The following CACNA1C variants were observed in gnomAD, a reference collection of about 807,000 sequenced individuals.
The protein encoded by CACNA1C is voltage-dependent L-type calcium channel subunit alpha-1C.
CACNA1C carries 30 observed loss-of-function variants against 229.0 expected under a neutral mutation model. The ratio of observed to expected loss-of-function variants is 0.13; its 90% CI spans 0.10 to 0.18. CACNA1C has a LOEUF of 0.18. Ranked by LOEUF, CACNA1C falls within the 10% of genes least tolerant of loss-of-function variation. CACNA1C has a pLI of 1.00. For synonymous variants in CACNA1C, 1,114 were observed against 1,132.5 expected (o/e 0.98, Z 0.33); for missense variants, 1,658 against 2,845.0 (o/e 0.58, Z 9.49).
In CACNA1C at chr12:2,215,866, C is replaced by T. The variant is rs537957554; in HGVS notation, c.477+95436C>T. 1.3e-3 allele frequency among the ~76,000 whole-genome samples: 204 copies of T among 152,334 alleles called. 1 individual carries two copies. The highest frequency in any genetic ancestry group is 2.5e-3 in the Admixed American group (38 of 15,306). ...GATGGCGAATCTGTGTCCTAGAACA[C>T]GCCCTGCTGCCACCAGTGTGACATC... On this transcript the variant is annotated intron_variant, in intron 3 of 46. Coordinates refer to ENST00000399655, the MANE Select transcript of CACNA1C (RefSeq NM_000719.7). This position sits in a 1 kb window ranked among gnomAD's most constrained non-coding sequence, Gnocchi z 5.0.
chr12:2,677,048 TCCCCTGCTCCCCTCTTAC>T lies in CACNA1C; in HGVS notation c.4829-40_4829-23del. On this transcript the variant is annotated intron_variant, in intron 39 of 46. Transcript: ENST00000399655. The surrounding 1 kb of genome is among the most constrained non-coding windows in gnomAD (Gnocchi z 7.4). ...AAAAATGAATGAAGTTCAACTGAAT[TCCCCTGCTCCCCTCTTAC>T]CCCCTCTCCCCTCTCCATACGTCTC... 1 of 1,537,364 alleles carries T rather than the reference TCCCCTGCTCCCCTCTTAC, an allele frequency of 6.5e-7. No homozygotes were observed. The highest frequency in any genetic ancestry group is 8.9e-7 in the Non-Finnish European group (1 of 1,120,384).
At chr12:2,547,638 A>G (rs1489409840) in intron 9 of CACNA1C, 1 of 694,682 alleles carries the variant, frequency 1.4e-6, no homozygotes, top group Non-Finnish European at 2.7e-6. Flanking sequence ...GTGTGCATAT[A>G]TGTGTATGTA....
At chr12:2,610,498 A>G (rs531628220) in intron 27 of CACNA1C, 43 bp from the exon 28 acceptor site, 50 of 1,577,708 alleles carry the variant, frequency 3.2e-5, no homozygotes, top group Admixed American at 6.8e-5. Context: ...CACACCCTCC[A>G]GTTAACTAAC....
intron 3 of CACNA1C, among the ~76,000 whole-genome samples, chr12:2,121,228 C>T (rs906206847): frequency 2.0e-5 from 3 of 152,182 alleles, no homozygotes; most frequent in African/African-American, 7.2e-5. Context: ...TTCCACATGG[C>T]GTGTTTGGTC....
At chr12:2,657,521 A>G (rs1171242417) in intron 34 of CACNA1C, among the ~76,000 whole-genome samples, 1 of 152,202 alleles carries the variant, frequency 6.6e-6, no homozygotes, top group Non-Finnish European at 1.5e-5. Context: ...AGAGGAAAAA[A>G]ATGGATGGAT....
chr12:2,232,125 T>C (rs2065364343), intron 3 of CACNA1C, among the ~76,000 whole-genome samples: 1 of 152,036 alleles, frequency 6.6e-6, no homozygotes. Context: ...TCCACTTCAG[T>C]CCTTTTTTTC....
At chr12:2,268,412 G>A (rs1017404636) in intron 3 of CACNA1C, among the ~76,000 whole-genome samples, 1 of 152,216 alleles carries the variant, frequency 6.6e-6, no homozygotes, top group Admixed American at 6.5e-5. Flanking sequence ...AGCTGCTCTT[G>A]TTCCAGAAGA....
At chr12:1,995,748 C>G (rs1415240128) in intron 1 of CACNA1C, among the ~76,000 whole-genome samples, 1 of 152,238 alleles carries the variant, frequency 6.6e-6, no homozygotes, top group Non-Finnish European at 1.5e-5. Flanking sequence ...CATCTGTATC[C>G]TTGCTGGCCC....
At chr12:2,437,154 T>C (rs1169078567) in intron 3 of CACNA1C, among the ~76,000 whole-genome samples, 2 of 152,244 alleles carry the variant, frequency 1.3e-5, no homozygotes, top group African/African-American at 4.8e-5. Flanking sequence ...TAAAGTCAGC[T>C]TTAGCTGGGT....
rs550073106 is a variant in CACNA1C, at chr12:2,414,879, C to T, written c.478-34097C>T. On this transcript the variant is annotated intron_variant, in intron 3 of 46. Transcript: ENST00000399655. ...CAGTTGGACAGGGGTGCTGGGATCA[C>T]GGGCTTTCTTTCTCCCAAGAACTGG... 5.9e-5 allele frequency among the ~76,000 whole-genome samples: 9 copies of T among 152,272 alleles called. No individual in the cohort carries two copies. The South Asian group carries it at 8.3e-4, about 14-fold the overall frequency.
intron 13 of CACNA1C, among the ~76,000 whole-genome samples, chr12:2,579,732 C>T (rs892472431): frequency 7.2e-5 from 11 of 152,206 alleles, no homozygotes; most frequent in Admixed American, 6.5e-4. Context: ...AGGCATGCAC[C>T]ACCACACCCA....
chr12:2,640,370 C>T (rs568922364), intron 30 of CACNA1C, among the ~76,000 whole-genome samples: 4 of 152,304 alleles, frequency 2.6e-5, no homozygotes, highest in South Asian at 4.1e-4. Flanking sequence ...CTCCTGGCAA[C>T]GGGACTTGGG....
intron 3 of CACNA1C, among the ~76,000 whole-genome samples, chr12:2,254,457 C>T (rs1183048540): frequency 2.6e-5 from 4 of 152,132 alleles, no homozygotes. Context: ...TTTCTGTTTT[C>T]CTCTTAGTAT....
intron 3 of CACNA1C, chr12:2,288,645 C>T (rs1184785326): frequency 6.6e-6 from 1 of 152,234 alleles, no homozygotes; most frequent in African/African-American, 2.4e-5. Flanking sequence ...GTCTGTGCCT[C>T]CCTTCTGTCT....
intron 3 of CACNA1C, among the ~76,000 whole-genome samples, chr12:2,217,280 A>G (rs2060228211): frequency 6.6e-6 from 1 of 152,206 alleles, no homozygotes; most frequent in Non-Finnish European, 1.5e-5. Flanking sequence ...CTGTTGTTTA[A>G]TGGGTTCAGG....
chr12:2,378,232 A>G (rs2098130148), intron 3 of CACNA1C, among the ~76,000 whole-genome samples: 1 of 152,220 alleles, frequency 6.6e-6, no homozygotes, highest in African/African-American at 2.4e-5. Flanking sequence ...TTCTAGAGGT[A>G]GAAACAGCCC....
chr12:2,125,671 C>T (rs1336581303), intron 3 of CACNA1C, among the ~76,000 whole-genome samples: 1 of 152,028 alleles, frequency 6.6e-6, no homozygotes, highest in Non-Finnish European at 1.5e-5. Context: ...GGAGTGGGCC[C>T]TAGGAGTTTG....
chr12:2,305,012 A>C (rs961410995), intron 3 of CACNA1C, among the ~76,000 whole-genome samples: 2 of 152,178 alleles, frequency 1.3e-5, no homozygotes, highest in African/African-American at 4.8e-5. Flanking sequence ...GGGTGTTTGC[A>C]GGATGATAAC....
rs555320816 is a variant in CACNA1C at position 2,191,099 on chromosome 12, C to T, written c.477+70669C>T. On this transcript the variant is annotated intron_variant, in intron 3 of 46. Transcript: ENST00000399655. ...GCACGTCAGCCATGTCCCCACTCCA[C>T]GGAGCAGCCCGTTCACCCTGGGGCG... Among the ~76,000 whole-genome samples, 331 of 152,232 alleles carry T rather than the reference C, an allele frequency of 2.2e-3. 1 individual carries two copies. The highest frequency in any genetic ancestry group is 7.7e-3 in the African/African-American group (321 of 41,532).
Sources: gnomAD v4.1 joint callset for allele counts (sites outside exome capture counted in the v4.1 genomes callset) on GRCh38, gnomAD v4.1.1 for gene constraint, Gnocchi (gnomAD v3.1) non-coding constraint, MANE v1.5 for transcripts, NCBI Gene and HGNC (gene_info 2026-07-23, HGNC 2026-07-21) for gene names.